The following ASIC4 variants were observed in gnomAD, a reference collection of about 807,000 sequenced individuals.
ASIC4 encodes the protein acid sensing ion channel subunit family member 4.
In ASIC4, 28 loss-of-function variants were observed where a neutral mutation model predicts 53.4. That is an observed-to-expected ratio of 0.52 (90% CI 0.39 to 0.72). The LOEUF is 0.72. ASIC4 is among the 30% of genes least tolerant of loss of function. The pLI is 0.00. For missense variants in ASIC4, 649 were observed against 729.7 expected, an observed-to-expected ratio of 0.89 and a Z score of 1.27; for synonymous variants, 289 against 301.4, an observed-to-expected ratio of 0.96 and a Z score of 0.43.
chr2:219,538,015 C>A lies in ASIC4; in HGVS notation c.1589C>A (p.Pro530Gln). 1 of 1,613,354 alleles carries A rather than the reference C, an allele frequency of 6.2e-7. No homozygotes were observed. ...LPNHHHPHGP[P>Q]GGLFEDFAC ...AATCACCACCACCCCCACGGTCCCC[C>A]AGGAGGTCTCTTTGAAGATTTTGCT... Residue 530 changes from proline (P) to glutamine (Q), a missense_variant, in exon 10 of 10, where the codon CCA (proline) becomes CAA (glutamine). Transcript: ENST00000358078.
chr2:219,507,204 C>T, the ASIC4 span, among the ~76,000 whole-genome samples: 1 of 152,196 alleles, frequency 6.6e-6, no homozygotes, highest in Non-Finnish European at 1.5e-5. Flanking sequence ...CCTGGTCCCC[C>T]CCTTCACCCC....
chr2:219,523,705 G>T (rs1278928264), intron 1 of ASIC4, among the ~76,000 whole-genome samples: 1 of 152,164 alleles, frequency 6.6e-6, no homozygotes, highest in East Asian at 1.9e-4. Context: ...CCTTGGCTAG[G>T]TCACCCCATC....
At chr2:219,514,375 G>C, upstream of ASIC4, 3 of 1,546,258 alleles carry the variant, frequency 1.9e-6, no homozygotes, top group Middle Eastern at 2.3e-4. Flanking sequence ...GCTGCGCGGC[G>C]TGGCGGAGCA....
At chr2:219,524,821 C>G (rs1336598222) in intron 1 of ASIC4, among the ~76,000 whole-genome samples, 1 of 152,212 alleles carries the variant, frequency 6.6e-6, no homozygotes. Flanking sequence ...GCAGAGAGAG[C>G]CTGCAAGGTG....
chr2:219,532,639 T>G (rs1695062175), intron 4 of ASIC4, 162 bp downstream of exon 4: 3 of 1,063,610 alleles, frequency 2.8e-6, no homozygotes, highest in Non-Finnish European at 4.0e-6. Context: ...TAAACATGGT[T>G]TCACATATGC....
chr2:219,509,717 A>T (rs1694675312), upstream of ASIC4, among the ~76,000 whole-genome samples: 1 of 151,982 alleles, frequency 6.6e-6, no homozygotes, highest in African/African-American at 2.4e-5. This position sits in a 1 kb window ranked among gnomAD's most constrained non-coding sequence, Gnocchi z 5.2. Flanking sequence ...CTGGGAAGCC[A>T]TCTGCCCTCC....
chr2:219,513,893 G>A (rs1164715422), upstream of ASIC4, among the ~76,000 whole-genome samples: 11 of 152,196 alleles, frequency 7.2e-5, no homozygotes, highest in Non-Finnish European at 1.6e-4. Context: ...AGTCACAGTT[G>A]TCCCCTGGTC....
At chr2:219,520,653 G>A (rs972118676) in intron 1 of ASIC4, among the ~76,000 whole-genome samples, 4 of 152,166 alleles carry the variant, frequency 2.6e-5, no homozygotes, top group African/African-American at 7.2e-5. Flanking sequence ...CTTATCTACC[G>A]CACAGGCTTG....
In ASIC4 at chr2:219,535,344, G is replaced by T. The variant is rs575467827; in HGVS notation, c.1229+20G>T. The T allele has an allele frequency of 1.0e-4, 154 of 1,544,882 alleles. 1 individual carries two copies. The highest frequency in any genetic ancestry group is 3.7e-4 in the African/African-American group (27 of 72,022). ...CATACGGTATGTGTGTGTGTGTGTG[G>T]GGGGTGGCTGTGTGACTCTGTGTGT... is the stretch of plus-strand genomic sequence containing the variant. On this transcript the variant is annotated intron_variant, in intron 6 of 9. Transcript: ENST00000358078.
rs78386972 is a variant in ASIC4 at position 219,537,884 on chromosome 2, C to A, written c.1507-49C>A. 10 of 1,514,692 alleles carry A rather than the reference C, an allele frequency of 6.6e-6. No homozygotes were observed. The highest frequency in any genetic ancestry group is 1.2e-5 in the South Asian group (1 of 83,292). 93.8% of individuals were successfully genotyped at this position (1,514,692 alleles called of 1,614,324 possible). A position where few individuals can be genotyped will look rare whatever the true frequency, so the allele number is the denominator to read the frequency against. On this transcript the variant is annotated intron_variant, in intron 9 of 9. Transcript: ENST00000358078. The surrounding 1 kb of genome is among the most constrained non-coding windows in gnomAD (Gnocchi z 4.9). ...AGGCTGGCGGTGTGAGCCCTGGGGG[C>A]ACCACTTGAGCTCTCCCGGTCCCAC... is the stretch of plus-strand genomic sequence containing the variant.
At chr2:219,519,830 G>A (rs907681) in intron 1 of ASIC4, among the ~76,000 whole-genome samples, 24,896 of 152,074 alleles carry the variant, frequency 0.16, 2,668 homozygotes, top group South Asian at 0.32. Context: ...ACTGGAAGTC[G>A]GGCCATCTAC....
At chr2:219,512,711 G>T (rs1349028577), upstream of ASIC4, among the ~76,000 whole-genome samples, 1 of 152,228 alleles carries the variant, frequency 6.6e-6, no homozygotes, top group African/African-American at 2.4e-5. Context: ...GGGACACTAT[G>T]TCCCAGCCAG....
chr2:219,513,457 C>G (rs1231637699), upstream of ASIC4, among the ~76,000 whole-genome samples: 1 of 152,126 alleles, frequency 6.6e-6, no homozygotes, highest in African/African-American at 2.4e-5. Flanking sequence ...GCTCTCCTGC[C>G]CCACTCTGCC....
chr2:219,537,040 G>A lies in ASIC4; in HGVS notation c.1230-26G>A, dbSNP rs1412360908. 10 of 1,607,146 alleles carry A rather than the reference G, an allele frequency of 6.2e-6. No homozygotes were observed. The highest frequency in any genetic ancestry group is 6.8e-6 in the Non-Finnish European group (8 of 1,174,246). On this transcript the variant is annotated intron_variant, in intron 6 of 9. Coordinates refer to ENST00000358078, the MANE Select transcript of ASIC4 (RefSeq NM_018674.6). This position sits in a 1 kb window ranked among gnomAD's most constrained non-coding sequence, Gnocchi z 4.9. ...CCTTCTCAGGAAGAGAGGCCCACAC[G>A]GATACCCTGCTTCCTGTCTCCACAG...
rs1694787351 is a variant in ASIC4, at chr2:219,516,280, C to T, written c.582+974C>T. ...GCCATCCCTTCTCATGACACCCCCA[C>T]CCCCATCTATCCCAACCGCTGCTCC... On this transcript the variant is annotated intron_variant, in intron 1 of 9. Coordinates refer to ENST00000358078, the MANE Select transcript of ASIC4 (RefSeq NM_018674.6). This position sits in a 1 kb window ranked among gnomAD's most constrained non-coding sequence, Gnocchi z 4.9. 6.6e-6 allele frequency among the ~76,000 whole-genome samples: 1 copy of T among 152,146 alleles called. No individual in the cohort carries two copies. The highest frequency in any genetic ancestry group is 6.5e-5 in the Admixed American group (1 of 15,284).
Position 219,517,981 on chromosome 2 carries a change from G to A in ASIC4, c.582+2675G>A, listed in dbSNP as rs1487122616. Reference sequence around the variant, plus strand: ...ATTTTCCAGCCTATTTTTACTCCGGGTAATGTGCCCTCCCCCAGTCCCCTC... The same window carrying A: ...ATTTTCCAGCCTATTTTTACTCCGGATAATGTGCCCTCCCCCAGTCCCCTC... On this transcript the variant is annotated intron_variant, in intron 1 of 9. Coordinates refer to ENST00000358078, the MANE Select transcript of ASIC4 (RefSeq NM_018674.6). The surrounding 1 kb of genome is among the most constrained non-coding windows in gnomAD (Gnocchi z 4.2). Among the ~76,000 whole-genome samples, 1 of 152,072 alleles carries A rather than the reference G, an allele frequency of 6.6e-6. No individual in the cohort carries two copies.
At chr2:219,520,169 C>T (rs1443993218) in intron 1 of ASIC4, among the ~76,000 whole-genome samples, 1 of 152,058 alleles carries the variant, frequency 6.6e-6, no homozygotes, top group African/African-American at 2.4e-5. Flanking sequence ...CTCCCCCTCC[C>T]GACCCTCCTT....
intron 5 of ASIC4, chr2:219,533,272 A>C: frequency 2.2e-6 from 1 of 446,516 alleles, no homozygotes; most frequent in Non-Finnish European, 4.1e-6. Flanking sequence ...GGAAAAATGC[A>C]TTGCTGGCTA....
rs1451981183 is a variant in ASIC4 at position 219,537,160 on chromosome 2, G to A, written c.1321+3G>A. 1 of 1,613,728 alleles carries A rather than the reference G, an allele frequency of 6.2e-7. No homozygotes were observed. Among genetic ancestry groups the A allele is most frequent in the East Asian group, 2.2e-5 (1 of 44,882 alleles). On this transcript the variant is annotated splice_donor_region_variant and intron_variant, in intron 7 of 9. Transcript: ENST00000358078. This position sits in a 1 kb window ranked among gnomAD's most constrained non-coding sequence, Gnocchi z 4.9. Reference sequence around the variant, plus strand: ...CTATGGCCTGTCAGCCCTGCTGGGTGAGACTGGTGTCCCTGCCCCCAGCTT... The same window carrying A: ...CTATGGCCTGTCAGCCCTGCTGGGTAAGACTGGTGTCCCTGCCCCCAGCTT...
Sources: gnomAD v4.1 joint callset for allele counts (sites outside exome capture counted in the v4.1 genomes callset) on GRCh38, gnomAD v4.1.1 for gene constraint, Gnocchi (gnomAD v3.1) non-coding constraint, MANE v1.5 for transcripts, NCBI Gene and HGNC (gene_info 2026-07-23, HGNC 2026-07-21) for gene names.